Variants in APC observed in about 807,000 individuals in gnomAD.
APC encodes adenomatous polyposis coli protein.
APC carries 72 observed loss-of-function variants against 247.0 expected under a neutral mutation model. The ratio of observed to expected loss-of-function variants is 0.29; its 90% CI spans 0.24 to 0.35. The LOEUF (loss-of-function observed/expected upper bound fraction) is 0.35, where lower values mean the gene tolerates loss of function less well. APC is among the 10% of genes least tolerant of loss of function. APC has a pLI of 1.00. For missense variants in APC, 3,400 were observed against 3,360.7 expected, an observed-to-expected ratio of 1.01 and a Z score of -0.29; for synonymous variants, 1,254 against 1,162.5, an observed-to-expected ratio of 1.08 and a Z score of -1.60.
At chr5:112,723,343 T>G (rs6884079) in intron 1 of APC, among the ~76,000 whole-genome samples, 1 of 151,956 alleles carries the variant, frequency 6.6e-6, no homozygotes, top group Non-Finnish European at 1.5e-5. Flanking sequence ...AGCCTTGTGG[T>G]GCCAGCTACT....
At chr5:112,743,480 T>A (rs1053095235) in intron 1 of APC, among the ~76,000 whole-genome samples, 9 of 152,242 alleles carry the variant, frequency 5.9e-5, no homozygotes, top group African/African-American at 1.9e-4. Flanking sequence ...TGTGTTACTT[T>A]CTTTTGGTAA....
chr5:112,841,323 C>G lies in APC; in HGVS notation c.5729C>G (p.Thr1910Arg), dbSNP rs772352376. 1 of 1,613,940 alleles carries G rather than the reference C, an allele frequency of 6.2e-7. No homozygotes were observed. Among genetic ancestry groups the G allele is most frequent in the East Asian group, 2.2e-5 (1 of 44,868 alleles). Residue 1910 changes from threonine (T) to arginine (R), a missense_variant, in exon 16 of 16, where the codon ACA becomes AGA. Physicochemically the swap from Thr to Arg is moderately conservative, Grantham distance 71. Transcript: ENST00000257430. This position sits in a 1 kb window ranked among gnomAD's most constrained non-coding sequence, Gnocchi z 4.6. Reference protein sequence around the residue: ...LTSNQQSANKTQAIAKQPINR... With the variant: ...LTSNQQSANKRQAIAKQPINR... ...TCCAACCAACAATCAGCTAATAAGA[C>G]ACAAGCTATTGCAAAGCAGCCAATA... is the stretch of plus-strand genomic sequence containing the variant.
intron 4 of APC, among the ~76,000 whole-genome samples, chr5:112,773,670 C>G (rs892065487): frequency 5.9e-5 from 9 of 152,032 alleles, no homozygotes; most frequent in Non-Finnish European, 1.3e-4. Context: ...TATAAGTGGA[C>G]CCATGCAGTT....
rs182029735 is a variant in APC, at chr5:112,739,963, G to C, written c.-19+2038G>C. On this transcript the variant is annotated intron_variant, in intron 1 of 15. Coordinates refer to ENST00000257430, the MANE Select transcript of APC (RefSeq NM_000038.6). ...TCAAGTATGTTGTGACTTTATCCAA[G>C]GTCAAATATTGTATAACAATGTAAA... is the stretch of plus-strand genomic sequence containing the variant. Among the ~76,000 whole-genome samples, 428 of 152,082 alleles carry C rather than the reference G, an allele frequency of 2.8e-3. 2 individuals carry two copies. The highest frequency in any genetic ancestry group is 5.8e-3 in the Admixed American group (88 of 15,290).
Position 112,843,724 on chromosome 5 carries a change from T to C in APC, c.8130T>C (p.Ser2710=). The C allele has an allele frequency of 6.2e-7, 1 of 1,614,102 alleles. No homozygotes were observed. The highest frequency in any genetic ancestry group is 1.3e-5 in the African/African-American group (1 of 75,038). The part of the protein sequence containing the change: ...NQAKQNVGNG[S]VPMRTVGLEN... ...CAAAACAAAATGTGGGTAATGGCAG[T>C]GTTCCCATGCGTACCGTGGGTTTGG... Residue 2710 remains serine, a synonymous_variant, in exon 16 of 16, where the codon AGT becomes AGC. Coordinates refer to ENST00000257430, the MANE Select transcript of APC (RefSeq NM_000038.6). This position sits in a 1 kb window ranked among gnomAD's most constrained non-coding sequence, Gnocchi z 4.8.
rs749597014 is a variant in APC at position 112,841,460 on chromosome 5, A to T, written c.5866A>T (p.Ile1956Phe). 3 of 1,613,856 alleles carry T rather than the reference A, an allele frequency of 1.9e-6. No homozygotes were observed. Among genetic ancestry groups the T allele is most frequent in the Non-Finnish European group, 2.5e-6 (3 of 1,179,748 alleles). ...ATDEKLQNFA[I>F]ENTPVCFSHN... ...TGATGAAAAGTTACAGAATTTTGCTATTGAAAATACTCCGGTTTGCTTTTC... is the reference window on the plus strand; with the variant it reads ...TGATGAAAAGTTACAGAATTTTGCTTTTGAAAATACTCCGGTTTGCTTTTC... Residue 1956 changes from isoleucine to phenylalanine, a missense_variant, in exon 16 of 16, where the codon ATT becomes TTT. Coordinates refer to ENST00000257430, the MANE Select transcript of APC (RefSeq NM_000038.6). The surrounding 1 kb of genome is among the most constrained non-coding windows in gnomAD (Gnocchi z 4.6).
At chr5:112,738,190 T>C (rs1413697538) in intron 1 of APC, 3 of 809,058 alleles carry the variant, frequency 3.7e-6, no homozygotes, top group Non-Finnish European at 3.0e-6. Flanking sequence ...GAAAAGCTGT[T>C]TTTGAAGCCA....
intron 1 of APC, among the ~76,000 whole-genome samples, chr5:112,723,790 A>T (rs189656853): frequency 6.6e-6 from 1 of 152,334 alleles, no homozygotes. Context: ...GGAACATTTC[A>T]TCTCCTTTTA....
At position 112,739,585 on chromosome 5, in the gene APC, G is replaced by A. The variant is rs567532338; in HGVS notation, c.-19+1660G>A. On this transcript the variant is annotated intron_variant, in intron 1 of 15. Coordinates refer to ENST00000257430, the MANE Select transcript of APC (RefSeq NM_000038.6). ...GGTTAATAGTACTTAGGAGCCGGGC[G>A]TGGTGGCCCATGCCTGTAATACAAG... 1.0e-3 allele frequency among the ~76,000 whole-genome samples: 153 copies of A among 152,274 alleles called. 1 individual carries two copies. The highest frequency in any genetic ancestry group is 4.3e-4 in the Non-Finnish European group (29 of 68,020).
Position 112,839,959 on chromosome 5 carries a change from T to C in APC, c.4365T>C (p.Asn1455=), listed in dbSNP as rs568891310. 1.2e-6 allele frequency: 2 copies of C among 1,614,000 alleles called. No homozygotes were observed. Among genetic ancestry groups the C allele is most frequent in the East Asian group, 4.5e-5 (2 of 44,866 alleles). Residue 1455 remains asparagine (N), a synonymous_variant, in exon 16 of 16, where the codon AAT becomes AAC. Transcript: ENST00000257430. This position sits in a 1 kb window ranked among gnomAD's most constrained non-coding sequence, Gnocchi z 5.0. The part of the protein sequence containing the change: ...TAQTKREVPK[N]KAPTAEKRES... ...AAACCAAGCGAGAAGTACCTAAAAA[T>C]AAAGCACCTACTGCTGAAAAGAGAG...
At chr5:112,793,660 C>T (rs1350161741) in intron 7 of APC, among the ~76,000 whole-genome samples, 2 of 152,064 alleles carry the variant, frequency 1.3e-5, no homozygotes, top group African/African-American at 4.8e-5. Context: ...ATAGATCATT[C>T]TAGGAAGGTT....
Position 112,843,711 on chromosome 5 carries a change from T to G in APC, c.8117T>G (p.Val2706Gly), listed in dbSNP as rs1766648353. Reference protein sequence around the residue: ...DSKDNQAKQNVGNGSVPMRTV... With the variant: ...DSKDNQAKQNGGNGSVPMRTV... ...AAAGATAATCAGGCAAAACAAAATGTGGGTAATGGCAGTGTTCCCATGCGT... is the reference window on the plus strand; with the variant it reads ...AAAGATAATCAGGCAAAACAAAATGGGGGTAATGGCAGTGTTCCCATGCGT... Residue 2706 changes from valine (V) to glycine (G), a missense_variant, in exon 16 of 16, where the codon GTG becomes GGG. Physicochemically the swap from Val to Gly is moderately radical, Grantham distance 109 (BLOSUM62 -3). Transcript: ENST00000257430. This position sits in a 1 kb window ranked among gnomAD's most constrained non-coding sequence, Gnocchi z 4.8. 1 of 1,614,030 alleles carries G rather than the reference T, an allele frequency of 6.2e-7. No individual in the cohort carries two copies. The highest frequency in any genetic ancestry group is 2.2e-5 in the East Asian group (1 of 44,890).
At chr5:112,820,650 T>A (rs897801943) in intron 10 of APC, among the ~76,000 whole-genome samples, 6 of 152,184 alleles carry the variant, frequency 3.9e-5, no homozygotes, top group Non-Finnish European at 8.8e-5. Flanking sequence ...ACTCCTGATA[T>A]TTGTTCTCAA....
At chr5:112,789,122 G>A (rs1260108128) in intron 6 of APC, among the ~76,000 whole-genome samples, 1 of 152,124 alleles carries the variant, frequency 6.6e-6, no homozygotes, top group Admixed American at 6.5e-5. Context: ...TATTACTACT[G>A]CAGTTTTTAA....
At chr5:112,735,064 C>CCAGCATT (rs1752305604), upstream of APC, among the ~76,000 whole-genome samples, 1 of 151,902 alleles carries the variant, frequency 6.6e-6, no homozygotes. Context: ...AAACCATTTA[C>CCAGCATT]TAAAAGCAAT....
At chr5:112,829,078 T>G in intron 14 of APC, 106 bp downstream of exon 14, 1 of 798,844 alleles carries the variant, frequency 1.3e-6, no homozygotes, top group Non-Finnish European at 2.2e-6. Context: ...TGTGTATTAT[T>G]CAGTACTATA....
At position 112,792,644 on chromosome 5, in the gene APC, T is replaced by C. The variant is rs111833433; in HGVS notation, c.729+115T>C. The C allele has an allele frequency of 3.0e-4, 223 of 749,506 alleles. 1 individual carries two copies. The African/African-American group carries it at 3.1e-3, about 11-fold the overall frequency. 46.4% of individuals were successfully genotyped at this position (749,506 alleles called of 1,614,324 possible). On this transcript the variant is annotated intron_variant, in intron 7 of 15. Transcript: ENST00000257430. ...GAAATATAGATGTTCTTTCAGAGAA[T>C]TTAAATACCGTAATTTTTTTCGTGA...
chr5:112,723,254 G>T (rs1451518653), intron 1 of APC, among the ~76,000 whole-genome samples: 1 of 152,152 alleles, frequency 6.6e-6, no homozygotes, highest in South Asian at 2.1e-4. Flanking sequence ...TTGAGCTCAG[G>T]AGTTTGAGAC....
At chr5:112,759,297 A>G (rs1378779908) in intron 2 of APC, among the ~76,000 whole-genome samples, 1 of 151,754 alleles carries the variant, frequency 6.6e-6, no homozygotes, top group Non-Finnish European at 1.5e-5. Context: ...GATAAATATC[A>G]CTGGTATAAC....
Sources: allele counts gnomAD v4.1 joint callset (sites outside exome capture counted in the v4.1 genomes callset), GRCh38; gene constraint gnomAD v4.1.1; non-coding constraint Gnocchi (gnomAD v3.1); transcripts MANE v1.5; gene names NCBI Gene and HGNC (gene_info 2026-07-23, HGNC 2026-07-21).